Variants in PPP4R2 observed in about 807,000 individuals in gnomAD.
The protein encoded by PPP4R2 is protein phosphatase 4 regulatory subunit 2.
In PPP4R2, 13 loss-of-function variants were observed where a neutral mutation model predicts 47.2. The ratio of observed to expected loss-of-function variants is 0.28; its 90% CI spans 0.18 to 0.44. The LOEUF (loss-of-function observed/expected upper bound fraction) is 0.44. Among genes scored for constraint, PPP4R2 ranks in the 20% least tolerant of loss-of-function variants. PPP4R2 has a pLI of 1.00. For synonymous variants in PPP4R2, 151 were observed against 163.3 expected, an observed-to-expected ratio of 0.92 and a Z score of 0.57; for missense variants, 421 against 491.2, an observed-to-expected ratio of 0.86 and a Z score of 1.35.
At chr3:73,015,114 C>G in intron 2 of PPP4R2, 1 of 440,232 alleles carries the variant, frequency 2.3e-6, no homozygotes, top group East Asian at 3.4e-5. Context: ...TCTGAGATCT[C>G]AGAAATGTCA....
At chr3:73,050,803 G>A (rs1702595668) in intron 3 of PPP4R2, among the ~76,000 whole-genome samples, 2 of 152,160 alleles carry the variant, frequency 1.3e-5, no homozygotes, top group Non-Finnish European at 1.5e-5. Flanking sequence ...CTGATTGATG[G>A]TAGGCATTTA....
Position 73,056,180 on chromosome 3 carries a change from G to T in PPP4R2, c.288-2857G>T, listed in dbSNP as rs551792672. Among the ~76,000 whole-genome samples the T allele has an allele frequency of 3.9e-5, 6 of 152,256 alleles. No individual in the cohort carries two copies. In the South Asian group the frequency reaches 8.3e-4, roughly 21 times the overall value. ...TACCAAATGCTTTCATTTTGTACTG[G>T]TTTTTCTGGTTTATTCTTGTGCCTC... On this transcript the variant is annotated intron_variant, in intron 3 of 8. Coordinates refer to ENST00000356692, the MANE Select transcript of PPP4R2 (RefSeq NM_174907.4).
Position 73,067,180 on chromosome 3 carries a change from T to G in PPP4R2, c.*1458T>G, listed in dbSNP as rs1575897914. 6.6e-6 allele frequency: 1 copy of G among 152,250 alleles called. No individual in the cohort carries two copies. Among genetic ancestry groups the G allele is most frequent in the South Asian group, 2.1e-4 (1 of 4,828 alleles). The allele number at this position is 152,250 out of a possible 1,614,324, so 9.4% of individuals were successfully genotyped here. A position where few individuals can be genotyped will look rare whatever the true frequency, so the allele number is the denominator to read the frequency against. On this transcript the variant is annotated 3_prime_UTR_variant, in exon 9 of 9. Coordinates refer to ENST00000356692, the MANE Select transcript of PPP4R2 (RefSeq NM_174907.4). ...CAGTATTCATATAAAGCAATAAATA[T>G]TAATGTTATGAAATATTTGACTACA...
intron 2 of PPP4R2, among the ~76,000 whole-genome samples, chr3:73,043,418 A>T (rs970255108): frequency 6.6e-6 from 1 of 152,226 alleles, no homozygotes; most frequent in African/African-American, 2.4e-5. Flanking sequence ...CACCATTTTT[A>T]AAAGTAATAG....
intron 2 of PPP4R2, among the ~76,000 whole-genome samples, chr3:73,026,684 A>G (rs1376858015): frequency 7.1e-6 from 1 of 141,300 alleles, no homozygotes; most frequent in Admixed American, 7.1e-5. Flanking sequence ...TTCTTGAAAC[A>G]TTATGAGATT....
intron 2 of PPP4R2, among the ~76,000 whole-genome samples, chr3:73,007,410 A>G (rs760561008): frequency 1.3e-5 from 2 of 152,158 alleles, no homozygotes; most frequent in Non-Finnish European, 2.9e-5. Context: ...CCTTAAGCCC[A>G]TGAGGCTGTT....
chr3:72,999,800 G>T (rs1241388856), intron 2 of PPP4R2, among the ~76,000 whole-genome samples: 72 of 152,264 alleles, frequency 4.7e-4, no homozygotes, highest in Non-Finnish European at 1.0e-4. Context: ...AGCATGTTTT[G>T]TACTGAAATG....
At chr3:73,045,884 C>G (rs1702474451) in intron 2 of PPP4R2, among the ~76,000 whole-genome samples, 1 of 152,124 alleles carries the variant, frequency 6.6e-6, no homozygotes, top group Non-Finnish European at 1.5e-5. Flanking sequence ...ATAGCTAGTT[C>G]AGCTGGCAGC....
intron 2 of PPP4R2, among the ~76,000 whole-genome samples, chr3:73,018,144 C>T (rs1205839279): frequency 6.6e-6 from 1 of 152,086 alleles, no homozygotes; most frequent in Non-Finnish European, 1.5e-5. Flanking sequence ...TTTATCCTAT[C>T]TTTCTTATAC....
At chr3:73,049,768 ATAAAAT>A (rs1702571280) in intron 3 of PPP4R2, among the ~76,000 whole-genome samples, 1 of 149,822 alleles carries the variant, frequency 6.7e-6, no homozygotes, top group South Asian at 2.1e-4. Context: ...TATAAATATA[ATAAAAT>A]TAATATTGTG....
chr3:73,005,117 A>G (rs1053803983), intron 2 of PPP4R2, among the ~76,000 whole-genome samples: 14 of 151,794 alleles, frequency 9.2e-5, no homozygotes, highest in Non-Finnish European at 1.5e-4. Flanking sequence ...TAATTTTTGT[A>G]TGTTTAGTAG....
At chr3:73,002,329 C>T (rs1701484400) in intron 2 of PPP4R2, among the ~76,000 whole-genome samples, 1 of 152,200 alleles carries the variant, frequency 6.6e-6, no homozygotes, top group South Asian at 2.1e-4. Context: ...TAGCTCACTG[C>T]AACCTCAAAC....
chr3:73,009,964 G>T (rs1701688474), intron 2 of PPP4R2, among the ~76,000 whole-genome samples: 1 of 152,152 alleles, frequency 6.6e-6, no homozygotes, highest in Admixed American at 6.5e-5. Flanking sequence ...TGTAATACAT[G>T]TGTGTGGAAA....
intron 2 of PPP4R2, among the ~76,000 whole-genome samples, chr3:73,032,321 G>C (rs1187091268): frequency 6.7e-6 from 1 of 148,896 alleles, no homozygotes; most frequent in Non-Finnish European, 1.5e-5. Context: ...GTCTCGCTCT[G>C]CTGCCAGGCT....
intron 2 of PPP4R2, among the ~76,000 whole-genome samples, chr3:73,033,437 C>T (rs1702205731): frequency 6.6e-6 from 1 of 152,174 alleles, no homozygotes; most frequent in Non-Finnish European, 1.5e-5. Context: ...TTGTGTTGGT[C>T]ACTCTTCAGC....
chr3:73,050,001 C>T (rs943609077), intron 3 of PPP4R2, among the ~76,000 whole-genome samples: 5 of 152,074 alleles, frequency 3.3e-5, no homozygotes, highest in African/African-American at 1.2e-4. Flanking sequence ...AGTGCAGTGG[C>T]ACCATCTGGG....
At chr3:73,042,127 G>C (rs981094126) in intron 2 of PPP4R2, among the ~76,000 whole-genome samples, 6 of 152,084 alleles carry the variant, frequency 3.9e-5, no homozygotes, top group Non-Finnish European at 8.8e-5. Context: ...TAAATTTTGA[G>C]TATGTATTTT....
intron 4 of PPP4R2, among the ~76,000 whole-genome samples, 170 bp from the exon 5 acceptor site, chr3:73,060,853 T>C (rs1030004656): frequency 6.6e-6 from 1 of 152,126 alleles, no homozygotes; most frequent in Non-Finnish European, 1.5e-5. Context: ...TTTGTTATTG[T>C]TTTAGTTTTT....
chr3:73,002,624 CTTTTCTTTTCTTTTTTTTTTTT>C (rs1163964824), intron 2 of PPP4R2, among the ~76,000 whole-genome samples: 4 of 67,024 alleles, frequency 6.0e-5, no homozygotes, highest in African/African-American at 2.8e-4. Context: ...CTTTTCTTTT[CTTTTCTTTTCTTTTTTTTTTTT>C]TTTTTTTTTT....
Sources: gnomAD v4.1 joint callset for allele counts (sites outside exome capture counted in the v4.1 genomes callset) on GRCh38, gnomAD v4.1.1 for gene constraint, MANE v1.5 for transcripts, NCBI Gene and HGNC (gene_info 2026-07-23, HGNC 2026-07-21) for gene names.